Variants in ZNF507 observed in about 807,000 individuals in gnomAD.
ZNF507 encodes the protein zinc finger protein 507.
ZNF507 carries 29 observed loss-of-function variants against 80.0 expected under a neutral mutation model. The ratio of observed to expected loss-of-function variants is 0.36; its 90% CI spans 0.27 to 0.49. The LOEUF (loss-of-function observed/expected upper bound fraction) is 0.49, where lower values mean the gene tolerates loss of function less well. Among genes scored for constraint, ZNF507 ranks in the 20% least tolerant of loss-of-function variants. ZNF507 has a pLI of 0.98. For missense variants in ZNF507, 1,081 were observed against 1,152.2 expected, an observed-to-expected ratio of 0.94 and a Z score of 0.90; for synonymous variants, 462 against 422.5, an observed-to-expected ratio of 1.09 and a Z score of -1.15.
In ZNF507 at chr19:32,383,678, A is replaced by AAAG. The variant is rs1967652835; in HGVS notation, c.*598_*600dup. ...AGGACATGTTCCTTTACTCCTTAAA[A>AAAG]AAGAAAGGAAAGATCTCTAAATTCA... On this transcript the variant is annotated 3_prime_UTR_variant, in exon 7 of 7. Transcript: ENST00000355898. 6.6e-6 allele frequency: 1 copy of AAAG among 152,208 alleles called. No homozygotes were observed. 9.4% of individuals were successfully genotyped at this position (152,208 alleles called of 1,614,324 possible).
chr19:32,380,434 G>C (rs938203585), intron 5 of ZNF507, among the ~76,000 whole-genome samples: 1 of 152,170 alleles, frequency 6.6e-6, no homozygotes, highest in African/African-American at 2.4e-5. Context: ...CCTTGGACCT[G>C]ATTCCTCAGA....
At chr19:32,377,858 C>G (rs1967571678) in intron 5 of ZNF507, among the ~76,000 whole-genome samples, 1 of 152,104 alleles carries the variant, frequency 6.6e-6, no homozygotes, top group African/African-American at 2.4e-5. Flanking sequence ...GAAACCTGAC[C>G]TCAGCCAGGG....
Position 32,354,082 on chromosome 19 carries a change from A to G in ZNF507, c.1252A>G (p.Thr418Ala). The part of the protein sequence containing the change: ...TLSQKRFLMN[T>A]EMEEGKDLSL... ...TTCACAGAAGCGCTTCCTCATGAAC[A>G]CTGAAATGGAAGAAGGGAAGGACCT... Residue 418 changes from threonine to alanine, a missense_variant, in exon 3 of 7, where the codon ACT (threonine) becomes GCT (alanine). Thr to Ala is a moderately conservative substitution (Grantham distance 58, BLOSUM62 0). This residue lies in a region of ZNF507 where 614 missense variants were observed against 583.9 expected (regional missense o/e 1.05). Coordinates refer to ENST00000355898, the MANE Select transcript of ZNF507 (RefSeq NM_001136156.2). 3 of 1,614,026 alleles carry G rather than the reference A, an allele frequency of 1.9e-6. No homozygotes were observed. The highest frequency in any genetic ancestry group is 1.7e-6 in the Non-Finnish European group (2 of 1,180,030).
rs1402069813 is a variant in ZNF507 at position 32,354,367 on chromosome 19, G to A, written c.1537G>A (p.Ala513Thr). ...MPIRAAELTR[A>T]NLGHYGDINL... ...TATAAGAGCTGCAGAGTTGACAAGA[G>A]CCAACCTGGGGCACTATGGAGATAT... The change falls in exon 3 of 7, where the codon GCC becomes ACC. Residue 513 changes from alanine to threonine, a missense_variant. Physicochemically the swap from Ala to Thr is moderately conservative, Grantham distance 58. Coordinates refer to ENST00000355898, the MANE Select transcript of ZNF507 (RefSeq NM_001136156.2). 1 of 1,614,176 alleles carries A rather than the reference G, an allele frequency of 6.2e-7. No homozygotes were observed. The highest frequency in any genetic ancestry group is 8.5e-7 in the Non-Finnish European group (1 of 1,180,038).
chr19:32,352,295 T>C (rs934909785), intron 2 of ZNF507, among the ~76,000 whole-genome samples: 2 of 152,244 alleles, frequency 1.3e-5, no homozygotes, highest in Middle Eastern at 3.4e-3. Context: ...TTTCAAAGAT[T>C]TGGGGAGAAA....
intron 5 of ZNF507, among the ~76,000 whole-genome samples, chr19:32,361,247 A>AT (rs1967317910): frequency 6.6e-6 from 1 of 152,124 alleles, no homozygotes; most frequent in Non-Finnish European, 1.5e-5. Flanking sequence ...TCATTACTTG[A>AT]TTTTTCCCAA....
chr19:32,366,199 C>T (rs1967396350), intron 5 of ZNF507, among the ~76,000 whole-genome samples: 1 of 152,118 alleles, frequency 6.6e-6, no homozygotes, highest in Non-Finnish European at 1.5e-5. Flanking sequence ...CTCCCTCCCT[C>T]CCTCTAAATT....
At position 32,353,393 on chromosome 19, in the gene ZNF507, C is replaced by G; in HGVS notation, c.563C>G (p.Ser188Cys). The part of the protein sequence containing the change: ...HDNDANIHTQ[S>C]KAQQCVSPSS... ...AATGATGCCAATATCCACACCCAAT[C>G]CAAAGCCCAACAGTGCGTAAGCCCC... is the stretch of plus-strand genomic sequence containing the variant. Residue 188 changes from serine to cysteine, a missense_variant, in exon 3 of 7, where the codon TCC (serine) becomes TGC (cysteine). By Grantham distance (112) the Ser-to-Cys change is moderately radical (BLOSUM62 -1). Coordinates refer to ENST00000355898, the MANE Select transcript of ZNF507 (RefSeq NM_001136156.2). The G allele has an allele frequency of 6.2e-7, 1 of 1,614,192 alleles. No individual in the cohort carries two copies. Among genetic ancestry groups the G allele is most frequent in the Non-Finnish European group, 8.5e-7 (1 of 1,180,040 alleles).
At chr19:32,358,929 C>A (rs1016906921) in intron 4 of ZNF507, 4 of 152,224 alleles carry the variant, frequency 2.6e-5, no homozygotes, top group Non-Finnish European at 5.9e-5. Context: ...AGAGCGAGGA[C>A]TAAGCCCAAG....
rs1052603154 is a variant in ZNF507 at position 32,377,141 on chromosome 19, G to A, written c.2361-5326G>A. ...TCATGTCAGGCCCTCCACAAGAGGT[G>A]GAGGAGTAGAGTCTTCTCTAAACTC... On this transcript the variant is annotated intron_variant, in intron 5 of 6. Transcript: ENST00000355898. 2.6e-5 allele frequency among the ~76,000 whole-genome samples: 4 copies of A among 152,078 alleles called. No homozygotes were observed. In the South Asian group the frequency reaches 8.3e-4, roughly 32 times the overall value.
Position 32,385,328 on chromosome 19 carries a change from C to G in ZNF507, c.*2245C>G, listed in dbSNP as rs1223129179. 1 of 152,152 alleles carries G rather than the reference C, an allele frequency of 6.6e-6. No individual in the cohort carries two copies. Among genetic ancestry groups the G allele is most frequent in the Non-Finnish European group, 1.5e-5 (1 of 68,034 alleles). The allele number at this position is 152,152 out of a possible 1,614,324, so 9.4% of individuals were successfully genotyped here. On this transcript the variant is annotated 3_prime_UTR_variant, in exon 7 of 7. Transcript: ENST00000355898. ...AAAGCCTTTAAAGTTTCATCTGATT[C>G]TGGCCTTAGAATTGTCCTTAAAAGC...
At chr19:32,371,329 C>T (rs1967468169) in intron 5 of ZNF507, among the ~76,000 whole-genome samples, 3 of 151,970 alleles carry the variant, frequency 2.0e-5, no homozygotes, top group Admixed American at 2.0e-4. Context: ...ACAAAATTAG[C>T]CAGGTATGGT....
rs776299223 is a variant in ZNF507 at position 32,353,050 on chromosome 19, A to G, written c.220A>G (p.Ser74Gly). Reference sequence around the variant, plus strand: ...AATTGGGAAGAAACGCCCACGTTCAAGTGCTGCAACACACTCTCTTGAAAC... The same window carrying G: ...AATTGGGAAGAAACGCCCACGTTCAGGTGCTGCAACACACTCTCTTGAAAC... ...LLIGKKRPRS[S>G]AATHSLETQE... is the part of the protein sequence containing the mutation. Residue 74 changes from serine (S) to glycine (G), a missense_variant, in exon 3 of 7, where the codon AGT (serine) becomes GGT (glycine). Ser to Gly is a moderately conservative substitution (Grantham distance 56). Coordinates refer to ENST00000355898, the MANE Select transcript of ZNF507 (RefSeq NM_001136156.2). The G allele has an allele frequency of 6.2e-7, 1 of 1,614,140 alleles. No homozygotes were observed. Among genetic ancestry groups the G allele is most frequent in the South Asian group, 1.1e-5 (1 of 91,070 alleles).
chr19:32,371,646 T>A (rs572849134), intron 5 of ZNF507, among the ~76,000 whole-genome samples: 5,378 of 145,924 alleles, frequency 0.037, 339 homozygotes, highest in African/African-American at 0.13. Context: ...TATTATTATT[T>A]TTTTTTTTTT....
chr19:32,367,220 T>A (rs527735765), intron 5 of ZNF507, among the ~76,000 whole-genome samples: 92 of 152,220 alleles, frequency 6.0e-4, no homozygotes, highest in African/African-American at 2.2e-3. Flanking sequence ...GATCTTGCAG[T>A]AACAGACAGA....
chr19:32,374,929 T>A (rs1967526841), intron 5 of ZNF507, among the ~76,000 whole-genome samples: 2 of 152,172 alleles, frequency 1.3e-5, no homozygotes, highest in Admixed American at 1.3e-4. Context: ...TGATACTAGT[T>A]TTGGAGTTGA....
rs1202658628 is a variant in ZNF507, at chr19:32,385,521, AAAT to A, written c.*2442_*2444del. 1.3e-5 allele frequency: 2 copies of A among 152,256 alleles called. No individual in the cohort carries two copies. The highest frequency in any genetic ancestry group is 4.8e-5 in the African/African-American group (2 of 41,470). 9.4% of individuals were successfully genotyped at this position (152,256 alleles called of 1,614,324 possible). ...CTAACTGTAGAAGAGATAGCTATTA[AAAT>A]AATCAGTAGCCTGGGCATAGTGGCT... On this transcript the variant is annotated 3_prime_UTR_variant, in exon 7 of 7. Coordinates refer to ENST00000355898, the MANE Select transcript of ZNF507 (RefSeq NM_001136156.2).
Position 32,383,247 on chromosome 19 carries a change from C to A in ZNF507, c.*164C>A. ...AACCAAACTTGTAATAAAAGGAATT[C>A]CAAATGGACAAGCAGTAATGATATT... On this transcript the variant is annotated 3_prime_UTR_variant, in exon 7 of 7. Transcript: ENST00000355898. 1 of 858,754 alleles carries A rather than the reference C, an allele frequency of 1.2e-6. No homozygotes were observed. The highest frequency in any genetic ancestry group is 1.8e-6 in the Non-Finnish European group (1 of 569,510). The allele number at this position is 858,754 out of a possible 1,614,324, so 53.2% of individuals were successfully genotyped here.
chr19:32,362,635 C>A (rs1232982209), intron 5 of ZNF507, among the ~76,000 whole-genome samples: 3 of 152,170 alleles, frequency 2.0e-5, no homozygotes, highest in African/African-American at 7.2e-5. Context: ...CTTAAAGATT[C>A]ATTTTGATAG....
Sources: gnomAD v4.1 joint callset for allele counts (sites outside exome capture counted in the v4.1 genomes callset) on GRCh38, gnomAD v4.1.1 for gene constraint, gnomAD v4.1.1 regional missense constraint, MANE v1.5 for transcripts, NCBI Gene and HGNC (gene_info 2026-07-23, HGNC 2026-07-21) for gene names.